Variants in FAM234A observed in about 807,000 individuals in gnomAD.
FAM234A encodes the protein protein FAM234A.
FAM234A carries 42 observed loss-of-function variants against 49.1 expected under a neutral mutation model. The observed-to-expected ratio is 0.86, with a 90% CI of 0.67 to 1.11. The LOEUF is 1.11. FAM234A is among the 50% of genes least tolerant of loss of function. The pLI is 0.00. For missense variants in FAM234A, 815 were observed against 745.2 expected (o/e 1.09, Z -1.09); for synonymous variants, 369 against 316.2 (o/e 1.17, Z -1.77).
chr16:245,425 C>T (rs963783593), intron 1 of FAM234A, among the ~76,000 whole-genome samples: 4 of 152,104 alleles, frequency 2.6e-5, no homozygotes, highest in African/African-American at 9.7e-5. Flanking sequence ...GAGTGTGTTT[C>T]CCCTGGGCAC....
At chr16:241,480 TG>T (rs1465439147) in intron 1 of FAM234A, among the ~76,000 whole-genome samples, 2 of 151,906 alleles carry the variant, frequency 1.3e-5, no homozygotes, top group Non-Finnish European at 2.9e-5. Context: ...TCCCAGCTAC[TG>T]GGGAGCCTGA....
intron 2 of FAM234A, among the ~76,000 whole-genome samples, chr16:253,656 A>T (rs1038311486): frequency 3.3e-5 from 5 of 151,942 alleles, no homozygotes; most frequent in Non-Finnish European, 5.9e-5. Context: ...TTGTATTTTT[A>T]GTAGAGATGG....
In FAM234A at chr16:263,398, C is replaced by CTGAG. The variant is rs1567226393; in HGVS notation, c.1109_1112dup (p.Arg371SerfsTer19). 6.2e-7 allele frequency: 1 copy of CTGAG among 1,609,628 alleles called. No individual in the cohort carries two copies. Among genetic ancestry groups the CTGAG allele is most frequent in the Admixed American group, 1.7e-5 (1 of 60,004 alleles). ...CTGGACACCCAAGGCAGCCCATGTC[C>CTGAG]TGAGGTACAGGGTTTCCCCAAGGAC... On this transcript the variant is annotated frameshift_variant, in exon 9 of 13. Transcript: ENST00000399932. LOFTEE classifies it high-confidence loss of function.
chr16:261,636 C>G (rs547071484), intron 6 of FAM234A, 122 bp downstream of exon 6: 1 of 1,202,296 alleles, frequency 8.3e-7, no homozygotes, highest in Admixed American at 2.3e-5. Context: ...GCCGGGGACT[C>G]GCCCAGAGCC....
Position 263,749 on chromosome 16 carries a change from G to A in FAM234A, c.1162G>A (p.Glu388Lys). 6.2e-7 allele frequency: 1 copy of A among 1,614,080 alleles called. No individual in the cohort carries two copies. The highest frequency in any genetic ancestry group is 8.5e-7 in the Non-Finnish European group (1 of 1,179,938). ...ACCAGACACCTTGGCTGTAGCCGTT[G>A]AAAACGGAACTGGCACCGACAGACA... ...YKPDTLAVAVENGTGTDRQIL... is the reference protein window; with the variant it reads ...YKPDTLAVAVKNGTGTDRQIL... Residue 388 changes from glutamate (E) to lysine (K), a missense_variant, in exon 10 of 13, where the codon GAA becomes AAA. Coordinates refer to ENST00000399932, the MANE Select transcript of FAM234A (RefSeq NM_032039.4).
chr16:267,702 TCA>T (rs145019328), downstream of FAM234A, among the ~76,000 whole-genome samples: 1,322 of 134,812 alleles, frequency 9.8e-3, 23 homozygotes, highest in African/African-American at 0.019. Flanking sequence ...CTACACACAA[TCA>T]CACGTGCTAT....
chr16:254,642 G>A lies in FAM234A; in HGVS notation c.229G>A (p.Ala77Thr). 3.7e-6 allele frequency: 6 copies of A among 1,614,064 alleles called. No homozygotes were observed. The highest frequency in any genetic ancestry group is 5.1e-6 in the Non-Finnish European group (6 of 1,180,028). The change falls in exon 3 of 13, where the codon GCG becomes ACG. Residue 77 changes from alanine (A) to threonine (T), a missense_variant. Ala to Thr is a moderately conservative substitution (Grantham distance 58, BLOSUM62 0). Transcript: ENST00000399932. ...CGTCATCCCGTGTCCAGACCGGCCG[G>A]CGTCACAGCGAATGTGGAGGATAGA... is the stretch of plus-strand genomic sequence containing the variant. ...SFVIPCPDRP[A>T]SQRMWRIDYS...
At chr16:241,713 C>G (rs565018257) in intron 1 of FAM234A, among the ~76,000 whole-genome samples, 29 of 151,898 alleles carry the variant, frequency 1.9e-4, no homozygotes, top group Non-Finnish European at 3.5e-4. Flanking sequence ...GTCAGCAGAT[C>G]GAGACCATCC....
chr16:248,462 A>T (rs1372459751), intron 1 of FAM234A: 1 of 151,988 alleles, frequency 6.6e-6, no homozygotes, highest in Non-Finnish European at 1.5e-5. Flanking sequence ...CGACCATTCT[A>T]GTCACATTTT....
chr16:238,697 C>T (rs2050492774), intron 1 of FAM234A, among the ~76,000 whole-genome samples: 1 of 127,424 alleles, frequency 7.8e-6, no homozygotes, highest in Non-Finnish European at 1.6e-5. Context: ...ACCCGGGAGG[C>T]GGAGGTTGTA....
chr16:251,928 G>A (rs1034827492), intron 2 of FAM234A, among the ~76,000 whole-genome samples: 2 of 149,858 alleles, frequency 1.3e-5, no homozygotes, highest in Non-Finnish European at 3.0e-5. Context: ...GTGTGAACGG[G>A]GGAGGCAGAG....
At chr16:241,643 C>A (rs900044227) in intron 1 of FAM234A, among the ~76,000 whole-genome samples, 2 of 151,682 alleles carry the variant, frequency 1.3e-5, no homozygotes, top group Non-Finnish European at 2.9e-5. Flanking sequence ...AGAGGCCGGG[C>A]GCGGTGGCTC....
At chr16:263,897 C>A in intron 10 of FAM234A, 119 bp from the exon 11 acceptor site, 1 of 1,409,778 alleles carries the variant, frequency 7.1e-7, no homozygotes. Context: ...AAGGTTCTGC[C>A]TCCCTCAGAG....
At chr16:260,469 C>CG (rs2051416832) in intron 5 of FAM234A, 2 of 495,384 alleles carry the variant, frequency 4.0e-6, no homozygotes, top group Admixed American at 2.5e-5. Context: ...GCTTGGCCCC[C>CG]GGCTGCTCCT....
chr16:262,249 T>C, intron 7 of FAM234A, 24 bp downstream of exon 7: 1 of 1,612,620 alleles, frequency 6.2e-7, no homozygotes, highest in Non-Finnish European at 8.5e-7. Context: ...GCCACATCCC[T>C]GGCCAGCCTC....
rs556297936 is a variant in FAM234A, at chr16:256,178, G to A, written c.268+1497G>A. Among the ~76,000 whole-genome samples, 7 of 152,360 alleles carry A rather than the reference G, an allele frequency of 4.6e-5. No homozygotes were observed. The South Asian group carries it at 1.4e-3, about 32-fold the overall frequency. On this transcript the variant is annotated intron_variant, in intron 3 of 12. Transcript: ENST00000399932. ...ATTCTGCCGTGAACATTCACGTGCA[G>A]ATCTTCGTGTGGATATGTTTTCATT...
intron 2 of FAM234A, among the ~76,000 whole-genome samples, chr16:250,848 G>A (rs1314596162): frequency 1.3e-5 from 2 of 152,186 alleles, no homozygotes; most frequent in African/African-American, 4.8e-5. Flanking sequence ...ATTTTATAAT[G>A]TGTCAGAATT....
At chr16:254,315 C>T in intron 2 of FAM234A, 66 bp from the exon 3 acceptor site, 3 of 1,374,234 alleles carry the variant, frequency 2.2e-6, no homozygotes, top group South Asian at 1.3e-5. Flanking sequence ...CCAGCAGACC[C>T]CTCTGTGCTG....
downstream of FAM234A, among the ~76,000 whole-genome samples, chr16:267,584 T>G (rs1345828480): frequency 6.7e-6 from 1 of 149,194 alleles, no homozygotes; most frequent in Non-Finnish European, 1.5e-5. Context: ...CTACACACAA[T>G]CACACGTGCT....
Sources: allele counts gnomAD v4.1 joint callset (sites outside exome capture counted in the v4.1 genomes callset), GRCh38; gene constraint gnomAD v4.1.1; transcripts MANE v1.5; gene names NCBI Gene and HGNC (gene_info 2026-07-23, HGNC 2026-07-21).